Variants in SMARCAD1 observed in about 807,000 individuals in gnomAD.
SMARCAD1 encodes the protein SNF2 related chromatin remodeling ATPase with DExD box 1, also known as SWI/SNF-related matrix-associated actin-dependent regulator of chromatin subfamily A containing DEAD/H box 1.
Under a neutral mutation model 127.1 loss-of-function variants are expected in SMARCAD1, and 25 were observed. The observed-to-expected ratio is 0.20, with a 90% CI of 0.14 to 0.27. The LOEUF is 0.27. SMARCAD1 is among the 10% of genes least tolerant of loss of function. SMARCAD1 has a pLI of 1.00. For missense variants in SMARCAD1, 807 were observed against 1,206.0 expected (o/e 0.67, Z 4.90); for synonymous variants, 400 against 396.9 (o/e 1.01, Z -0.09).
intron 11 of SMARCAD1, among the ~76,000 whole-genome samples, chr4:94,271,650 A>G (rs1362786696): frequency 2.0e-5 from 3 of 152,226 alleles, no homozygotes; most frequent in Non-Finnish European, 4.4e-5. Flanking sequence ...TGTTTATCTA[A>G]TAGAAAAGTG....
At position 94,240,771 on chromosome 4, in the gene SMARCAD1, GAAC is replaced by G; in HGVS notation, c.605-129_605-127del. The G allele has an allele frequency of 8.7e-6, 6 of 691,376 alleles. 1 individual carries two copies. In the South Asian group the frequency reaches 9.7e-5, roughly 11 times the overall value. 42.8% of individuals were successfully genotyped at this position (691,376 alleles called of 1,614,324 possible). Reference sequence around the variant, plus strand: ...TTTTTTTTCAATTCAGTCATATGTAGAACAACAAACACTGGGCCTGATATCAAG... The same window carrying G: ...TTTTTTTTCAATTCAGTCATATGTAGAACAAACACTGGGCCTGATATCAAG... On this transcript the variant is annotated intron_variant, in intron 5 of 23. Coordinates refer to ENST00000354268, the MANE Select transcript of SMARCAD1 (RefSeq NM_020159.5).
Position 94,290,300 on chromosome 4 carries a change from T to A in SMARCAD1, c.*766T>A. The A allele has an allele frequency of 2.2e-6, 1 of 454,530 alleles. No individual in the cohort carries two copies. 28.2% of individuals were successfully genotyped at this position (454,530 alleles called of 1,614,324 possible). A position where few individuals can be genotyped will look rare whatever the true frequency, so the allele number is the denominator to read the frequency against. On this transcript the variant is annotated 3_prime_UTR_variant, in exon 24 of 24. Coordinates refer to ENST00000354268, the MANE Select transcript of SMARCAD1 (RefSeq NM_020159.5). ...GTGCATGTTTTCATTGATTTCCCTCTCCCGGCTTTTGCTTCTCTTGAAACT... is the reference window on the plus strand; with the variant it reads ...GTGCATGTTTTCATTGATTTCCCTCACCCGGCTTTTGCTTCTCTTGAAACT...
chr4:94,224,941 A>G (rs146014201), intron 2 of SMARCAD1, among the ~76,000 whole-genome samples: 428 of 152,318 alleles, frequency 2.8e-3, no homozygotes, highest in African/African-American at 9.5e-3. Flanking sequence ...TAAAGATTCA[A>G]CTGGTCATTG....
chr4:94,226,020 CAAT>C, intron 2 of SMARCAD1, 96 bp from the exon 3 acceptor site: 12 of 1,021,422 alleles, frequency 1.2e-5, no homozygotes, highest in Non-Finnish European at 1.7e-5. Flanking sequence ...AGATTGGAAA[CAAT>C]GAATGAAATT....
intron 6 of SMARCAD1, among the ~76,000 whole-genome samples, chr4:94,243,708 A>G (rs1747958759): frequency 6.6e-6 from 1 of 152,224 alleles, no homozygotes; most frequent in Non-Finnish European, 1.5e-5. Flanking sequence ...AATTGCTTCC[A>G]GCTGAACCAA....
intron 6 of SMARCAD1, among the ~76,000 whole-genome samples, chr4:94,248,058 A>G (rs1233887569): frequency 6.6e-6 from 1 of 152,130 alleles, no homozygotes; most frequent in Non-Finnish European, 1.5e-5. Context: ...GAACACGTGT[A>G]CCCAATGTTT....
At chr4:94,259,891 G>A (rs1471529855) in intron 9 of SMARCAD1, among the ~76,000 whole-genome samples, 5 of 152,102 alleles carry the variant, frequency 3.3e-5, no homozygotes, top group Non-Finnish European at 7.4e-5. Context: ...AATATTCAGA[G>A]TTCAAATTTC....
intron 2 of SMARCAD1, among the ~76,000 whole-genome samples, chr4:94,215,311 A>G (rs1742992762): frequency 6.6e-6 from 1 of 152,140 alleles, no homozygotes; most frequent in Non-Finnish European, 1.5e-5. Context: ...AGGAATCTTA[A>G]GTGCATTTTA....
chr4:94,230,043 ATTAAT>A (rs1745598188), intron 3 of SMARCAD1, among the ~76,000 whole-genome samples: 1 of 152,100 alleles, frequency 6.6e-6, no homozygotes, highest in Non-Finnish European at 1.5e-5. Context: ...TTATTAATTA[ATTAAT>A]TTAAATGTTT....
chr4:94,249,912 G>T (rs79515522), intron 7 of SMARCAD1, among the ~76,000 whole-genome samples, 157 bp downstream of exon 7: 2 of 151,778 alleles, frequency 1.3e-5, no homozygotes, highest in African/African-American at 4.8e-5. Context: ...TTTTCATACT[G>T]TTTATTTATG....
intron 2 of SMARCAD1, among the ~76,000 whole-genome samples, chr4:94,224,303 G>C (rs562882920): frequency 6.6e-6 from 1 of 152,314 alleles, no homozygotes; most frequent in South Asian, 2.1e-4. Context: ...GCTCTCTAGA[G>C]CAAATAGTAG....
chr4:94,260,703 A>G (rs1579250923), intron 9 of SMARCAD1, among the ~76,000 whole-genome samples: 1 of 152,184 alleles, frequency 6.6e-6, no homozygotes, highest in Non-Finnish European at 1.5e-5. Context: ...AACTTCTTAC[A>G]TCTACCACTC....
intron 14 of SMARCAD1, among the ~76,000 whole-genome samples, chr4:94,275,448 A>G (rs1460790233): frequency 3.3e-5 from 5 of 152,156 alleles, no homozygotes; most frequent in Non-Finnish European, 7.4e-5. Context: ...CTTGTGTTAC[A>G]TTAGTTGATT....
At chr4:94,226,024 G>T (rs1031800378) in intron 2 of SMARCAD1, 95 bp from the exon 3 acceptor site, 53 of 1,049,112 alleles carry the variant, frequency 5.1e-5, no homozygotes, top group Non-Finnish European at 6.2e-5. Context: ...TGGAAACAAT[G>T]AATGAAATTT....
At position 94,250,805 on chromosome 4, in the gene SMARCAD1, A is replaced by G. The variant is rs148322335; in HGVS notation, c.861A>G (p.Glu287=). 5.0e-6 allele frequency: 8 copies of G among 1,612,620 alleles called. No homozygotes were observed. The highest frequency in any genetic ancestry group is 6.8e-6 in the Non-Finnish European group (8 of 1,179,010). ...EHEWMYTEAL[E]SLKVFAEDQD... ...AATGGATGTACACAGAAGCTTTAGAATCTCTAAAAGTGTTTGCAGAAGACC... is the reference window on the plus strand; with the variant it reads ...AATGGATGTACACAGAAGCTTTAGAGTCTCTAAAAGTGTTTGCAGAAGACC... Residue 287 remains glutamate (E), a synonymous_variant, in exon 8 of 24, where the codon GAA becomes GAG. Coordinates refer to ENST00000354268, the MANE Select transcript of SMARCAD1 (RefSeq NM_020159.5).
At chr4:94,281,227 C>T (rs1753978198) in intron 20 of SMARCAD1, among the ~76,000 whole-genome samples, 1 of 152,134 alleles carries the variant, frequency 6.6e-6, no homozygotes, top group Non-Finnish European at 1.5e-5. Context: ...TTTAACTGTT[C>T]TTAAAATCAA....
chr4:94,258,384 A>C (rs1258037067), intron 9 of SMARCAD1, among the ~76,000 whole-genome samples: 1 of 151,962 alleles, frequency 6.6e-6, no homozygotes, highest in Non-Finnish European at 1.5e-5. Context: ...TGAACTCCTG[A>C]CCTCAAGTGA....
intron 2 of SMARCAD1, chr4:94,213,160 A>AAT: frequency 8.2e-7 from 1 of 1,226,286 alleles, no homozygotes; most frequent in Non-Finnish European, 1.1e-6. Context: ...ATGGTATGTA[A>AAT]ATATATAGTT....
intron 6 of SMARCAD1, chr4:94,248,495 A>G (rs1436480584): frequency 2.2e-6 from 1 of 456,192 alleles, no homozygotes; most frequent in Non-Finnish European, 4.4e-6. Flanking sequence ...CCTGGGCTGT[A>G]AAGGTGGCAG....
Sources: allele counts gnomAD v4.1 joint callset (sites outside exome capture counted in the v4.1 genomes callset), GRCh38; gene constraint gnomAD v4.1.1; transcripts MANE v1.5; gene names NCBI Gene and HGNC (gene_info 2026-07-23, HGNC 2026-07-21).